Variants in CORO2B observed in about 807,000 individuals in gnomAD.
CORO2B encodes the protein coronin 2B.
Under a neutral mutation model 58.8 loss-of-function variants are expected in CORO2B, and 26 were observed. That is an observed-to-expected ratio of 0.44 (90% CI 0.32 to 0.61). The LOEUF (loss-of-function observed/expected upper bound fraction) is 0.61, where lower values mean the gene tolerates loss of function less well. Ranked by LOEUF, CORO2B falls within the 20% of genes least tolerant of loss-of-function variation. The probability of loss-of-function intolerance (pLI) is 0.04; values close to 1 mark genes in which losing one functional copy is unlikely to be tolerated. For missense variants in CORO2B, 460 were observed against 645.1 expected (o/e 0.71, Z 3.11); for synonymous variants, 242 against 253.8 (o/e 0.95, Z 0.44).
chr15:68,714,469 T>C, intron 6 of CORO2B, 90 bp from the exon 7 acceptor site: 2 of 922,466 alleles, frequency 2.2e-6, no homozygotes, highest in Non-Finnish European at 3.6e-6. Flanking sequence ...TAACATAAAG[T>C]AGTTGCCATC....
At chr15:68,668,894 C>G (rs376041834) in intron 2 of CORO2B, among the ~76,000 whole-genome samples, 1 of 152,134 alleles carries the variant, frequency 6.6e-6, no homozygotes, top group African/African-American at 2.4e-5. Context: ...GCCTGACCAA[C>G]GTGCAGAAAC....
intron 2 of CORO2B, among the ~76,000 whole-genome samples, chr15:68,677,524 A>G (rs924379466): frequency 5.9e-5 from 9 of 152,196 alleles, no homozygotes; most frequent in African/African-American, 2.2e-4. Flanking sequence ...GGGAAAGGCC[A>G]GATGGTGGCG....
At chr15:68,538,106 T>C in the CORO2B span, among the ~76,000 whole-genome samples, 1 of 152,240 alleles carries the variant, frequency 6.6e-6, no homozygotes, top group African/African-American at 2.4e-5. Context: ...TTTGTTTTTT[T>C]CTCTAGTAAT....
At chr15:68,570,450 A>G in the CORO2B span, among the ~76,000 whole-genome samples, 1 of 152,210 alleles carries the variant, frequency 6.6e-6, no homozygotes, top group African/African-American at 2.4e-5. Context: ...GTGGATCTTG[A>G]TCATGAAGTC....
chr15:68,554,158 C>T, the CORO2B span, among the ~76,000 whole-genome samples: 8 of 152,084 alleles, frequency 5.3e-5, no homozygotes, highest in Non-Finnish European at 2.9e-5. Flanking sequence ...TATGGGGAGA[C>T]AGAGAGGAAC....
At chr15:68,693,005 A>C (rs1464722895) in intron 2 of CORO2B, among the ~76,000 whole-genome samples, 6 of 152,204 alleles carry the variant, frequency 3.9e-5, no homozygotes, top group Admixed American at 3.9e-4. Context: ...CTTTCATAGA[A>C]TATTGAAAGG....
At chr15:68,687,471 C>G (rs983459213) in intron 2 of CORO2B, among the ~76,000 whole-genome samples, 4 of 152,202 alleles carry the variant, frequency 2.6e-5, no homozygotes, top group Admixed American at 2.6e-4. Context: ...GTACCCACTG[C>G]TCCCCTGGAC....
At chr15:68,604,249 T>G (rs762350278) in intron 1 of CORO2B, among the ~76,000 whole-genome samples, 5 of 152,140 alleles carry the variant, frequency 3.3e-5, no homozygotes, top group Non-Finnish European at 7.4e-5. Flanking sequence ...TCAGAGTTTT[T>G]GGGACCTTCC....
intron 2 of CORO2B, among the ~76,000 whole-genome samples, chr15:68,670,574 C>A (rs1008368278): frequency 1.3e-5 from 2 of 152,178 alleles, no homozygotes; most frequent in Admixed American, 6.5e-5. Context: ...GAATTAATAT[C>A]TCTGATATAC....
chr15:68,609,981 T>G (rs1329535248), intron 1 of CORO2B, among the ~76,000 whole-genome samples: 1 of 152,148 alleles, frequency 6.6e-6, no homozygotes, highest in African/African-American at 2.4e-5. Context: ...AACCAGCCTC[T>G]CCCCTCTACC....
At chr15:68,662,982 A>G (rs1902063129) in intron 2 of CORO2B, among the ~76,000 whole-genome samples, 2 of 152,100 alleles carry the variant, frequency 1.3e-5, no homozygotes, top group South Asian at 4.1e-4. Context: ...AATTTTTTAA[A>G]ATATTTCTAG....
chr15:68,557,467 G>A, the CORO2B span, among the ~76,000 whole-genome samples: 1 of 151,970 alleles, frequency 6.6e-6, no homozygotes, highest in Non-Finnish European at 1.5e-5. Flanking sequence ...AAGGTTCAGC[G>A]GCCAGTCTAT....
intron 1 of CORO2B, among the ~76,000 whole-genome samples, chr15:68,644,424 AC>A (rs1195815374): frequency 1.3e-5 from 2 of 152,234 alleles, no homozygotes; most frequent in Non-Finnish European, 2.9e-5. Context: ...TGACTTTGAT[AC>A]AGGTGATCTG....
In CORO2B at chr15:68,645,048, C is replaced by G; in HGVS notation, c.16-112C>G. The G allele has an allele frequency of 9.4e-7, 1 of 1,061,976 alleles. No homozygotes were observed. The highest frequency in any genetic ancestry group is 1.4e-6 in the Non-Finnish European group (1 of 731,794). 65.8% of individuals were successfully genotyped at this position (1,061,976 alleles called of 1,614,324 possible). A position where few individuals can be genotyped will look rare whatever the true frequency, so the allele number is the denominator to read the frequency against. Reference sequence around the variant, plus strand: ...TCTCTTCCTGACAGGGGACCCAGGGCCTGCTCACCTGCTGCACCTCTGAGC... The same window carrying G: ...TCTCTTCCTGACAGGGGACCCAGGGGCTGCTCACCTGCTGCACCTCTGAGC... On this transcript the variant is annotated intron_variant, in intron 1 of 11. Coordinates refer to ENST00000261861, the MANE Select transcript of CORO2B (RefSeq NM_006091.5). This position sits in a 1 kb window ranked among gnomAD's most constrained non-coding sequence, Gnocchi z 4.5.
the CORO2B span, among the ~76,000 whole-genome samples, chr15:68,549,191 G>A: frequency 1.3e-5 from 2 of 152,178 alleles, no homozygotes; most frequent in South Asian, 4.1e-4. Context: ...CACTGTTCAT[G>A]TATTGGTATA....
rs1433443479 is a variant in CORO2B, at chr15:68,579,071, G to C, written c.-192G>C. 2 of 983,842 alleles carry C rather than the reference G, an allele frequency of 2.0e-6. No homozygotes were observed. Among genetic ancestry groups the C allele is most frequent in the South Asian group, 4.7e-5 (1 of 21,304 alleles). 60.9% of individuals were successfully genotyped at this position (983,842 alleles called of 1,614,324 possible). On this transcript the variant is annotated 5_prime_UTR_variant, in exon 1 of 12. Transcript: ENST00000261861. ...TTCGGGGCTGACATCAGCGACGAGCGGCGGGCGAGCGCCGACGAGCGGTCC... is the reference window on the plus strand; with the variant it reads ...TTCGGGGCTGACATCAGCGACGAGCCGCGGGCGAGCGCCGACGAGCGGTCC...
chr15:68,519,838 A>G, the CORO2B span, among the ~76,000 whole-genome samples: 1 of 152,258 alleles, frequency 6.6e-6, no homozygotes. Context: ...CATAGCAAGC[A>G]TAGCTTTAGC....
At chr15:68,530,898 T>C in the CORO2B span, among the ~76,000 whole-genome samples, 72 of 152,342 alleles carry the variant, frequency 4.7e-4, 1 homozygote, top group South Asian at 0.014. Flanking sequence ...AATCTGCCTC[T>C]TTATTGTTTA....
intron 1 of CORO2B, among the ~76,000 whole-genome samples, chr15:68,629,088 G>T (rs2899744): frequency 0.069 from 10,528 of 152,308 alleles, 505 homozygotes; most frequent in African/African-American, 0.13. Context: ...GGTCTGCTGG[G>T]GGAGCCATGG....
Sources: gnomAD v4.1 joint callset for allele counts (sites outside exome capture counted in the v4.1 genomes callset) on GRCh38, gnomAD v4.1.1 for gene constraint, Gnocchi (gnomAD v3.1) non-coding constraint, MANE v1.5 for transcripts, NCBI Gene and HGNC (gene_info 2026-07-23, HGNC 2026-07-21) for gene names.